NELL1: variants seen among roughly 807,000 people sequenced by gnomAD.
NELL1 encodes the protein protein kinase C-binding protein NELL1.
NELL1 carries 76 observed loss-of-function variants against 107.4 expected under a neutral mutation model. The observed-to-expected ratio is 0.71, with a 90% CI of 0.59 to 0.86. NELL1 has a LOEUF of 0.86. NELL1 is among the 40% of genes least tolerant of loss of function. The pLI, the probability that NELL1 is intolerant of heterozygous loss-of-function variation, is 0.00. For synonymous variants in NELL1, 353 were observed against 341.2 expected, an observed-to-expected ratio of 1.03 and a Z score of -0.38; for missense variants, 1,024 against 1,005.5, an observed-to-expected ratio of 1.02 and a Z score of -0.25.
chr11:20,730,559 G>C (rs1199056478), intron 2 of NELL1, among the ~76,000 whole-genome samples: 1 of 152,128 alleles, frequency 6.6e-6, no homozygotes, highest in Non-Finnish European at 1.5e-5. Context: ...CTTGGGCTTG[G>C]CTCATCTTGC....
chr11:20,804,026 G>T (rs952958470), intron 3 of NELL1, among the ~76,000 whole-genome samples: 2 of 151,016 alleles, frequency 1.3e-5, no homozygotes, highest in Non-Finnish European at 2.9e-5. Flanking sequence ...ACAGCCTATT[G>T]TGATACCTGA....
intron 2 of NELL1, among the ~76,000 whole-genome samples, chr11:20,767,056 T>C (rs1326602669): frequency 2.6e-5 from 4 of 152,198 alleles, no homozygotes; most frequent in Non-Finnish European, 5.9e-5. Flanking sequence ...TGTTGACATA[T>C]TGATCAATCA....
At chr11:21,020,143 A>G (rs752385193) in intron 12 of NELL1, among the ~76,000 whole-genome samples, 89 of 152,140 alleles carry the variant, frequency 5.8e-4, no homozygotes, top group Non-Finnish European at 1.1e-3. Flanking sequence ...TAAAAATACT[A>G]TATGCCAATT....
intron 12 of NELL1, among the ~76,000 whole-genome samples, chr11:20,991,601 G>A (rs1235343331): frequency 1.3e-5 from 2 of 152,182 alleles, no homozygotes; most frequent in Non-Finnish European, 2.9e-5. Flanking sequence ...AACAACAATG[G>A]AGAAGGCATG....
chr11:21,266,522 A>G (rs944871269), intron 14 of NELL1, among the ~76,000 whole-genome samples: 1 of 152,006 alleles, frequency 6.6e-6, no homozygotes, highest in Admixed American at 6.6e-5. Flanking sequence ...CTTACCTTTC[A>G]ACAGGATTTT....
chr11:20,877,729 G>C (rs562509725), intron 4 of NELL1, among the ~76,000 whole-genome samples: 1 of 152,132 alleles, frequency 6.6e-6, no homozygotes, highest in Non-Finnish European at 1.5e-5. Flanking sequence ...CTCTCAAGCA[G>C]GTTTTACATT....
At chr11:21,189,691 T>A (rs1032479203) in intron 13 of NELL1, among the ~76,000 whole-genome samples, 3 of 151,432 alleles carry the variant, frequency 2.0e-5, no homozygotes, top group Non-Finnish European at 4.4e-5. Context: ...CTTTTTTTTT[T>A]TTTTTTATTT....
At chr11:20,839,159 C>T (rs1394618234) in intron 3 of NELL1, among the ~76,000 whole-genome samples, 1 of 152,022 alleles carries the variant, frequency 6.6e-6, no homozygotes, top group East Asian at 1.9e-4. Context: ...AATTTAGAAG[C>T]CAGCCTTTAC....
intron 4 of NELL1, among the ~76,000 whole-genome samples, chr11:20,870,365 A>G (rs1161532627): frequency 6.6e-6 from 1 of 151,794 alleles, no homozygotes; most frequent in African/African-American, 2.4e-5. Flanking sequence ...TTTTTATTTT[A>G]TCATTCATTT....
At chr11:21,247,672 TATACAACA>T (rs1422227541) in intron 14 of NELL1, among the ~76,000 whole-genome samples, 2 of 152,236 alleles carry the variant, frequency 1.3e-5, no homozygotes, top group African/African-American at 4.8e-5. Context: ...TAAGTGGGAC[TATACAACA>T]ATGATTAAAA....
intron 14 of NELL1, among the ~76,000 whole-genome samples, chr11:21,322,025 C>T (rs1850021847): frequency 6.6e-6 from 1 of 152,120 alleles, no homozygotes; most frequent in Admixed American, 6.6e-5. Flanking sequence ...AGATGAATTC[C>T]AAATAAATCA....
At chr11:20,726,793 G>A (rs1013465109) in intron 2 of NELL1, among the ~76,000 whole-genome samples, 8 of 143,942 alleles carry the variant, frequency 5.6e-5, no homozygotes, top group African/African-American at 2.1e-4. Context: ...TCCCTGCCCT[G>A]TGTCCAAGTG....
intron 15 of NELL1, among the ~76,000 whole-genome samples, chr11:21,517,386 T>TA (rs1411812658): frequency 6.6e-6 from 1 of 152,142 alleles, no homozygotes; most frequent in African/African-American, 2.4e-5. Context: ...CGACTGGGTA[T>TA]AGTAATGATC....
intron 5 of NELL1, among the ~76,000 whole-genome samples, chr11:20,887,282 A>G (rs1320896290): frequency 1.3e-5 from 2 of 152,224 alleles, no homozygotes; most frequent in Non-Finnish European, 2.9e-5. Flanking sequence ...TGGAACAATT[A>G]TGAATAGAAC....
intron 16 of NELL1, among the ~76,000 whole-genome samples, chr11:21,557,999 G>C (rs1050574063): frequency 1.3e-5 from 2 of 152,042 alleles, no homozygotes; most frequent in Non-Finnish European, 2.9e-5. Context: ...AGAGAGGAAT[G>C]CAGGATAGAA....
At chr11:20,744,312 C>T (rs569882388) in intron 2 of NELL1, among the ~76,000 whole-genome samples, 1 of 152,214 alleles carries the variant, frequency 6.6e-6, no homozygotes, top group Admixed American at 6.6e-5. Flanking sequence ...TATCTGACTC[C>T]TTTCTATCTC....
chr11:21,362,710 T>C (rs1375167871), intron 14 of NELL1, among the ~76,000 whole-genome samples: 1 of 152,162 alleles, frequency 6.6e-6, no homozygotes, highest in Admixed American at 6.5e-5. Context: ...GTAAGTATTT[T>C]GGTTTCTCAG....
rs75476894 is a variant in NELL1 at position 21,554,615 on chromosome 11, A to G, written c.1787-5574A>G. On this transcript the variant is annotated intron_variant, in intron 16 of 19. Transcript: ENST00000357134. ...GTATGAGAGAAAAATTATAGAAACA[A>G]TAGGAACAAGACCAACAATAATAGT... 3.4e-3 allele frequency among the ~76,000 whole-genome samples: 514 copies of G among 151,958 alleles called. 5 individuals carry two copies. The highest frequency in any genetic ancestry group is 0.012 in the African/African-American group (487 of 41,512).
At chr11:21,216,927 C>G (rs1343498267) in intron 13 of NELL1, among the ~76,000 whole-genome samples, 2 of 152,046 alleles carry the variant, frequency 1.3e-5, no homozygotes, top group Non-Finnish European at 2.9e-5. Flanking sequence ...TGGGAGAAGT[C>G]AGGAGCAGAA....
Sources: gnomAD v4.1 joint callset for allele counts (sites outside exome capture counted in the v4.1 genomes callset) on GRCh38, gnomAD v4.1.1 for gene constraint, MANE v1.5 for transcripts, NCBI Gene and HGNC (gene_info 2026-07-23, HGNC 2026-07-21) for gene names.